Variants in MAPK8IP3 observed in about 807,000 individuals in gnomAD.
MAPK8IP3 encodes the protein mitogen-activated protein kinase 8 interacting protein 3.
MAPK8IP3 carries 49 observed loss-of-function variants against 157.8 expected under a neutral mutation model. The observed-to-expected ratio is 0.31, with a 90% CI of 0.25 to 0.39. The LOEUF is 0.39. Ranked by LOEUF, MAPK8IP3 falls within the 10% of genes least tolerant of loss-of-function variation. MAPK8IP3 has a pLI of 1.00. For synonymous variants in MAPK8IP3, 897 were observed against 777.7 expected, an observed-to-expected ratio of 1.15 and a Z score of -2.55; for missense variants, 1,478 against 1,889.4, an observed-to-expected ratio of 0.78 and a Z score of 4.04.
rs568415887 is a variant in MAPK8IP3 at position 1,744,041 on chromosome 16, C to T, written c.747+565C>T. The T allele has an allele frequency of 1.6e-5, 16 of 990,030 alleles. No individual in the cohort carries two copies. In the Admixed American group the frequency reaches 1.8e-4, roughly 11 times the overall value. The allele number at this position is 990,030 out of a possible 1,614,324, so 61.3% of individuals were successfully genotyped here. A position where few individuals can be genotyped will look rare whatever the true frequency, so the allele number is the denominator to read the frequency against. ...AGAGCCTCGCCCCAGCAGGTACTCACAGCCAGAGTGCGGGGGCCCCAGCAG... is the reference window on the plus strand; with the variant it reads ...AGAGCCTCGCCCCAGCAGGTACTCATAGCCAGAGTGCGGGGGCCCCAGCAG... On this transcript the variant is annotated intron_variant, in intron 5 of 31. Transcript: ENST00000610761.
rs59789858 is a variant in MAPK8IP3, at chr16:1,755,850, CAA to C, written c.1217-2281_1217-2280del. Among the ~76,000 whole-genome samples the C allele has an allele frequency of 7.8e-4, 54 of 69,228 alleles. No homozygotes were observed. The East Asian group carries it at 8.3e-3, about 11-fold the overall frequency. The allele number at this position is 69,228 out of a possible 152,430, so 45.4% of individuals were successfully genotyped here. On this transcript the variant is annotated intron_variant, in intron 8 of 31. Coordinates refer to ENST00000610761, the MANE Select transcript of MAPK8IP3 (RefSeq NM_001318852.2). ...CTGGTGACAGAGTGAGAGTCTTTCT[CAA>C]AAAAAAAAAAAAAAAAGGAAAAGGA...
Position 1,761,295 on chromosome 16 carries a change from G to A in MAPK8IP3, c.1529G>A (p.Cys510Tyr), listed in dbSNP as rs761689609. 8 of 1,613,326 alleles carry A rather than the reference G, an allele frequency of 5.0e-6. No individual in the cohort carries two copies. Among genetic ancestry groups the A allele is most frequent in the Middle Eastern group, 1.7e-4 (1 of 6,060 alleles). ...EEAEDVSSYL[C>Y]TESDKIPMAQ... ...GCGGAGGATGTAAGCAGCTATCTCT[G>A]TACAGAATCGGTACATCCACTCTTC... The change falls in exon 13 of 32, where the codon TGT becomes TAT. Residue 510 changes from cysteine (C) to tyrosine (Y), a missense_variant. Physicochemically the swap from Cys to Tyr is radical, Grantham distance 194. Coordinates refer to ENST00000610761, the MANE Select transcript of MAPK8IP3 (RefSeq NM_001318852.2).
In MAPK8IP3 at chr16:1,762,338, C is replaced by G. The variant is rs947706983; in HGVS notation, c.1540-13C>G. On this transcript the variant is annotated splice_polypyrimidine_tract_variant and intron_variant, in intron 13 of 31. Transcript: ENST00000610761. Reference sequence around the variant, plus strand: ...CGAGGGCTGGCTGAGCCTCTGTGCCCCTCCCTCCGCAGGACAAAATCCCCA... The same window carrying G: ...CGAGGGCTGGCTGAGCCTCTGTGCCGCTCCCTCCGCAGGACAAAATCCCCA... 5.8e-6 allele frequency: 9 copies of G among 1,562,652 alleles called. No individual in the cohort carries two copies. The African/African-American group carries it at 1.2e-4, about 21-fold the overall frequency.
At position 1,762,747 on chromosome 16, in the gene MAPK8IP3, C is replaced by T. The variant is rs779844743; in HGVS notation, c.1727+16C>T. The stretch of plus-strand genomic sequence containing the variant: ...TCTGGCAGTTGTAAGCTGGGGGCCC[C>T]TGGGGGATGTGGGCAGCAGCTGCAG... On this transcript the variant is annotated intron_variant, in intron 15 of 31. Coordinates refer to ENST00000610761, the MANE Select transcript of MAPK8IP3 (RefSeq NM_001318852.2). 6.3e-7 allele frequency: 1 copy of T among 1,584,872 alleles called. No individual in the cohort carries two copies. The highest frequency in any genetic ancestry group is 8.6e-7 in the Non-Finnish European group (1 of 1,162,958).
chr16:1,758,028 A>G (rs968243564), intron 8 of MAPK8IP3, 120 bp from the exon 9 acceptor site: 2 of 1,015,832 alleles, frequency 2.0e-6, no homozygotes, highest in Middle Eastern at 2.1e-4. Context: ...GCCCTGCAAC[A>G]TGGGAGCAGC....
At chr16:1,726,944 T>C (rs1238089561) in intron 2 of MAPK8IP3, among the ~76,000 whole-genome samples, 1 of 152,130 alleles carries the variant, frequency 6.6e-6, no homozygotes. Flanking sequence ...CAGCGTGCAG[T>C]GTCTATAACT....
chr16:1,763,277 G>A (rs544842612), intron 16 of MAPK8IP3, among the ~76,000 whole-genome samples: 192 of 152,372 alleles, frequency 1.3e-3, no homozygotes, highest in African/African-American at 4.2e-3. Context: ...TGGGCTCCAC[G>A]GTGGCCTCTG....
At chr16:1,731,623 A>G (rs2039323166) in intron 4 of MAPK8IP3, among the ~76,000 whole-genome samples, 1 of 152,232 alleles carries the variant, frequency 6.6e-6, no homozygotes, top group South Asian at 2.1e-4. Flanking sequence ...TTCCTTTAAA[A>G]TAAAGGAAAT....
chr16:1,708,271 G>C (rs1040293969), intron 1 of MAPK8IP3, among the ~76,000 whole-genome samples: 2 of 152,208 alleles, frequency 1.3e-5, no homozygotes, highest in African/African-American at 4.8e-5. Context: ...TTCCATGTCA[G>C]GCAGCTGCAG....
intron 2 of MAPK8IP3, among the ~76,000 whole-genome samples, chr16:1,726,187 C>T (rs2038867055): frequency 6.6e-6 from 1 of 152,198 alleles, no homozygotes; most frequent in Non-Finnish European, 1.5e-5. Flanking sequence ...AGAGGGTGAC[C>T]ACGGTGGCAG....
intron 4 of MAPK8IP3, among the ~76,000 whole-genome samples, chr16:1,739,370 G>A (rs575716113): frequency 5.4e-5 from 8 of 147,100 alleles, no homozygotes; most frequent in Middle Eastern, 3.6e-3. Context: ...GTGAGCATCC[G>A]TGTGACCGTC....
intron 4 of MAPK8IP3, among the ~76,000 whole-genome samples, chr16:1,732,991 G>A (rs997982838): frequency 2.0e-5 from 3 of 152,258 alleles, no homozygotes; most frequent in African/African-American, 4.8e-5. Flanking sequence ...CGCAGCTCCC[G>A]TCTCGTGGCA....
intron 4 of MAPK8IP3, among the ~76,000 whole-genome samples, chr16:1,740,800 G>A (rs777438219): frequency 6.6e-6 from 1 of 152,232 alleles, no homozygotes; most frequent in African/African-American, 2.4e-5. Context: ...AGCCCAGGGC[G>A]GCTGCTTGGT....
chr16:1,736,906 CTG>C (rs1371872194), intron 4 of MAPK8IP3, among the ~76,000 whole-genome samples: 2 of 8,830 alleles, frequency 2.3e-4, no homozygotes, highest in Non-Finnish European at 1.8e-4. Flanking sequence ...GTGTGACCGT[CTG>C]TGTGAGTGAC....
chr16:1,763,639 C>T lies in MAPK8IP3; in HGVS notation c.1899-18C>T, dbSNP rs779279360. On this transcript the variant is annotated intron_variant, in intron 16 of 31. Transcript: ENST00000610761. ...GCTCACCCTGGACAGAGACATCACC[C>T]ATCATTCTTCCACTCAGCGACTGCA... 2 of 1,541,150 alleles carry T rather than the reference C, an allele frequency of 1.3e-6. No individual in the cohort carries two copies. The highest frequency in any genetic ancestry group is 1.8e-6 in the Non-Finnish European group (2 of 1,139,148).
In MAPK8IP3 at chr16:1,765,038, C is replaced by G. The variant is rs778401938; in HGVS notation, c.2306C>G (p.Ala769Gly). 7 of 1,610,268 alleles carry G rather than the reference C, an allele frequency of 4.3e-6. No individual in the cohort carries two copies. In the South Asian group the frequency reaches 6.6e-5, roughly 15 times the overall value. The part of the protein sequence containing the change: ...KKAKELPEMD[A>G]TSSRVWILTS... The stretch of plus-strand genomic sequence containing the variant: ...GCCAAGGAGCTCCCTGAAATGGACG[C>G]CACCTCCAGCCGGGTGTGGATCCTG... The change falls in exon 20 of 32, where the codon GCC becomes GGC. Residue 769 changes from alanine (A) to glycine (G), a missense_variant. By Grantham distance (60) the Ala-to-Gly change is moderately conservative. Coordinates refer to ENST00000610761, the MANE Select transcript of MAPK8IP3 (RefSeq NM_001318852.2).
At chr16:1,763,559 G>A (rs1328062523) in intron 16 of MAPK8IP3, 98 bp from the exon 17 acceptor site, 4 of 1,364,512 alleles carry the variant, frequency 2.9e-6, no homozygotes, top group Non-Finnish European at 3.8e-6. Context: ...ATGGGCCCAG[G>A]CGGGCCTCCC....
At position 1,743,520 on chromosome 16, in the gene MAPK8IP3, T is replaced by C. The variant is rs1312325780; in HGVS notation, c.747+44T>C. 6.3e-7 allele frequency: 1 copy of C among 1,599,664 alleles called. No homozygotes were observed. Among genetic ancestry groups the C allele is most frequent in the Non-Finnish European group, 8.5e-7 (1 of 1,177,338 alleles). On this transcript the variant is annotated intron_variant, in intron 5 of 31. Transcript: ENST00000610761. This position sits in a 1 kb window ranked among gnomAD's most constrained non-coding sequence, Gnocchi z 5.6. Reference sequence around the variant, plus strand: ...GGAGTGAGAGGCTCCTCCCTGTTGCTGGTGTTCCCCGTTCACTGGGGCGGG... The same window carrying C: ...GGAGTGAGAGGCTCCTCCCTGTTGCCGGTGTTCCCCGTTCACTGGGGCGGG...
chr16:1,728,934 T>G (rs1026414308), intron 2 of MAPK8IP3, among the ~76,000 whole-genome samples: 1 of 151,972 alleles, frequency 6.6e-6, no homozygotes, highest in Non-Finnish European at 1.5e-5. Context: ...CAAGACGGCC[T>G]TCACAGAGCT....
Sources: allele counts gnomAD v4.1 joint callset (sites outside exome capture counted in the v4.1 genomes callset), GRCh38; gene constraint gnomAD v4.1.1; non-coding constraint Gnocchi (gnomAD v3.1); transcripts MANE v1.5; gene names NCBI Gene and HGNC (gene_info 2026-07-23, HGNC 2026-07-21).